Variants in DTNA observed in about 807,000 individuals in gnomAD.
The protein encoded by DTNA is dystrobrevin alpha.
A neutral mutation model predicts 100.7 loss-of-function variants in DTNA; 43 were observed. The ratio of observed to expected loss-of-function variants is 0.43; its 90% CI spans 0.33 to 0.55. The LOEUF (loss-of-function observed/expected upper bound fraction) is 0.55, where lower values mean the gene tolerates loss of function less well. Among genes scored for constraint, DTNA ranks in the 20% least tolerant of loss-of-function variants. DTNA has a pLI of 0.04. For synonymous variants in DTNA, 349 were observed against 347.9 expected (o/e 1.00, Z -0.04); for missense variants, 798 against 953.9 (o/e 0.84, Z 2.15).
At chr18:34,686,936 T>C (rs1600200965) in intron 1 of DTNA, among the ~76,000 whole-genome samples, 1 of 152,156 alleles carries the variant, frequency 6.6e-6, no homozygotes, top group Non-Finnish European at 1.5e-5. Context: ...TGTGTAGAGG[T>C]GTTTATAGTA....
At chr18:34,738,440 G>A (rs1190428190) in intron 1 of DTNA, among the ~76,000 whole-genome samples, 2 of 152,148 alleles carry the variant, frequency 1.3e-5, no homozygotes, top group African/African-American at 2.4e-5. Flanking sequence ...AAGCAACATA[G>A]TATGTTTACT....
rs139144134 is a variant in DTNA, at chr18:34,566,778, C to T, written c.-2+73264C>T. ...ATCCACTATGAAACATCAGTCAGGC[C>T]TACATAAAGTAGATCAGAGACCTTC... On this transcript the variant is annotated intron_variant, in intron 1 of 19. Coordinates refer to the DTNA transcript ENST00000283365. 4.1e-3 allele frequency among the ~76,000 whole-genome samples: 620 copies of T among 152,264 alleles called. 3 individuals carry two copies. Among genetic ancestry groups the T allele is most frequent in the African/African-American group, 0.014 (585 of 41,544 alleles).
chr18:34,702,337 G>A (rs894957900), intron 1 of DTNA, among the ~76,000 whole-genome samples: 2 of 152,148 alleles, frequency 1.3e-5, no homozygotes, highest in Non-Finnish European at 2.9e-5. Flanking sequence ...TGAAGCTGCG[G>A]CCAGCTCCCG....
At chr18:34,529,551 G>C (rs997942225) in intron 1 of DTNA, among the ~76,000 whole-genome samples, 1 of 152,070 alleles carries the variant, frequency 6.6e-6, no homozygotes, top group Non-Finnish European at 1.5e-5. Context: ...GTCCATAAGA[G>C]AATAACAAAC....
chr18:34,866,792 A>G (rs2096709636), intron 17 of DTNA: 1 of 993,016 alleles, frequency 1.0e-6, no homozygotes, highest in South Asian at 4.7e-5. Flanking sequence ...GGTTGACAGT[A>G]ATCTCTTTTT....
chr18:34,557,101 G>A (rs1482834855), intron 1 of DTNA, among the ~76,000 whole-genome samples: 44 of 150,468 alleles, frequency 2.9e-4, no homozygotes, highest in East Asian at 5.8e-4. Flanking sequence ...TTCCCTTCTC[G>A]CTTCATTTCA....
chr18:34,749,904 C>G (rs1211609560), intron 1 of DTNA, among the ~76,000 whole-genome samples: 1 of 151,992 alleles, frequency 6.6e-6, no homozygotes, highest in Non-Finnish European at 1.5e-5. Flanking sequence ...GAATGTAAAT[C>G]TAAGAAAGTA....
intron 1 of DTNA, among the ~76,000 whole-genome samples, chr18:34,495,500 T>G (rs2039094230): frequency 6.6e-6 from 1 of 152,246 alleles, no homozygotes; most frequent in Non-Finnish European, 1.5e-5. Flanking sequence ...GTCTGTTCTT[T>G]GTTCAGATCA....
chr18:34,510,817 A>G (rs1033326531), intron 1 of DTNA, among the ~76,000 whole-genome samples: 1 of 151,930 alleles, frequency 6.6e-6, no homozygotes, highest in African/African-American at 2.4e-5. Context: ...CCAGATCTGC[A>G]TGTCACAATC....
chr18:34,650,730 G>A (rs2060347680), intron 1 of DTNA, among the ~76,000 whole-genome samples: 1 of 152,092 alleles, frequency 6.6e-6, no homozygotes, highest in Non-Finnish European at 1.5e-5. Context: ...CATAAAATTA[G>A]TGCACTGAAT....
At chr18:34,623,671 A>T (rs913578198) in intron 1 of DTNA, among the ~76,000 whole-genome samples, 5 of 152,318 alleles carry the variant, frequency 3.3e-5, no homozygotes, top group Admixed American at 1.3e-4. Context: ...ACTTTTAAGC[A>T]ACTGTTATGT....
chr18:34,891,216 A>G lies in DTNA; in HGVS notation c.*3482A>G, dbSNP rs770187444. ...ATTTCACAATATTCATTGGTATTGT[A>G]AAAAAAAAATACTATTGTATGGATT... is the stretch of plus-strand genomic sequence containing the variant. On this transcript the variant is annotated 3_prime_UTR_variant, in exon 23 of 23. Coordinates refer to ENST00000444659, the MANE Select transcript of DTNA (RefSeq NM_001386795.1). 6.7e-6 allele frequency: 1 copy of G among 149,380 alleles called. No homozygotes were observed. Among genetic ancestry groups the G allele is most frequent in the Non-Finnish European group, 1.5e-5 (1 of 67,064 alleles). The allele number at this position is 149,380 out of a possible 1,614,324, so 9.3% of individuals were successfully genotyped here.
chr18:34,579,949 T>C (rs2048462183), intron 1 of DTNA, among the ~76,000 whole-genome samples: 1 of 152,128 alleles, frequency 6.6e-6, no homozygotes, highest in African/African-American at 2.4e-5. Context: ...CAATTACAAA[T>C]ATCTTAGATC....
chr18:34,658,707 C>T (rs183916875), intron 1 of DTNA, among the ~76,000 whole-genome samples: 257 of 152,286 alleles, frequency 1.7e-3, no homozygotes, highest in Admixed American at 3.1e-3. Flanking sequence ...ATAATACTGT[C>T]TTGATTACCA....
intron 1 of DTNA, among the ~76,000 whole-genome samples, chr18:34,701,427 A>G (rs1418786051): frequency 1.3e-5 from 2 of 152,062 alleles, no homozygotes; most frequent in Non-Finnish European, 2.9e-5. Flanking sequence ...GCACGCTCAC[A>G]TGGTGTTTCT....
chr18:34,568,424 G>A (rs2047274610), intron 1 of DTNA, among the ~76,000 whole-genome samples: 1 of 152,046 alleles, frequency 6.6e-6, no homozygotes, highest in South Asian at 2.1e-4. Flanking sequence ...TGGCACTTCT[G>A]TTCAGGGTTT....
At chr18:34,626,654 G>T (rs2849485) in intron 1 of DTNA, among the ~76,000 whole-genome samples, 16,535 of 152,112 alleles carry the variant, frequency 0.11, 949 homozygotes, top group South Asian at 0.13. Context: ...AATCAGGGAA[G>T]ATCAGTTCAA....
At position 34,866,375 on chromosome 18, in the gene DTNA, C is replaced by T. The variant is rs184443681; in HGVS notation, c.1743+2313C>T. 294 of 1,388,160 alleles carry T rather than the reference C, an allele frequency of 2.1e-4. No homozygotes were observed. The African/African-American group carries it at 3.5e-3, about 16-fold the overall frequency. 86.0% of individuals were successfully genotyped at this position (1,388,160 alleles called of 1,614,324 possible). A position where few individuals can be genotyped will look rare whatever the true frequency, so the allele number is the denominator to read the frequency against. On this transcript the variant is annotated intron_variant, in intron 17 of 22. Coordinates refer to ENST00000444659, the MANE Select transcript of DTNA (RefSeq NM_001386795.1). ...CTATGACATCTTTTAGAAAAGGGAA[C>T]GAATTGTCATTTATTGGAAACATTT...
intron 10 of DTNA, chr18:34,829,044 G>A (rs777774345): frequency 1.2e-5 from 19 of 1,613,948 alleles, no homozygotes; most frequent in Middle Eastern, 1.6e-4. Context: ...ATTTCAGCTC[G>A]GACGGTGCTT....
Sources: allele counts gnomAD v4.1 joint callset (sites outside exome capture counted in the v4.1 genomes callset), GRCh38; gene constraint gnomAD v4.1.1; transcripts MANE v1.5; gene names NCBI Gene and HGNC (gene_info 2026-07-23, HGNC 2026-07-21).